The following ADD1 variants were observed in gnomAD, a reference collection of about 807,000 sequenced individuals.
The protein encoded by ADD1 is adducin 1.
Under a neutral mutation model 80.5 loss-of-function variants are expected in ADD1, and 24 were observed. That is an observed-to-expected ratio of 0.30 (90% CI 0.22 to 0.42). The LOEUF (loss-of-function observed/expected upper bound fraction) is 0.42. Ranked by LOEUF, ADD1 falls within the 10% of genes least tolerant of loss-of-function variation. ADD1 has a pLI of 1.00. For synonymous variants in ADD1, 373 were observed against 393.8 expected (o/e 0.95, Z 0.63); for missense variants, 948 against 1,019.0 (o/e 0.93, Z 0.95).
intron 14 of ADD1, among the ~76,000 whole-genome samples, chr4:2,920,823 T>G (rs1739897289): frequency 6.6e-6 from 1 of 152,244 alleles, no homozygotes; most frequent in South Asian, 2.1e-4. Context: ...TTGGGGCATT[T>G]TGCCCATTTA....
At chr4:2,867,849 C>G (rs1258672679) in intron 1 of ADD1, 1 of 152,108 alleles carries the variant, frequency 6.6e-6, no homozygotes, top group Non-Finnish European at 1.5e-5. Context: ...GTCAGGCAGC[C>G]CGAGTTCAGA....
chr4:2,899,322 A>G lies in ADD1; in HGVS notation c.1048A>G (p.Lys350Glu). 4 of 1,614,234 alleles carry G rather than the reference A, an allele frequency of 2.5e-6. No individual in the cohort carries two copies. The highest frequency in any genetic ancestry group is 3.4e-6 in the Non-Finnish European group (4 of 1,180,046). Residue 350 changes from lysine to glutamate, a missense_variant, in exon 9 of 16, where the codon AAA (lysine) becomes GAA (glutamate). Lys to Glu is a moderately conservative substitution (Grantham distance 56, BLOSUM62 1). Coordinates refer to ENST00000683351, the MANE Select transcript of ADD1 (RefSeq NM_001354761.2). Reference protein sequence around the residue: ...NLVLLNPEKYKAKSRSPGSPV... With the variant: ...NLVLLNPEKYEAKSRSPGSPV... ...AGTCCTGCTGAATCCTGAGAAGTAC[A>G]AAGCCAAGTCCCGTTCCCCAGGGTC...
chr4:2,854,556 C>T (rs1727790705), intron 1 of ADD1, among the ~76,000 whole-genome samples: 1 of 152,148 alleles, frequency 6.6e-6, no homozygotes, highest in South Asian at 2.1e-4. Context: ...TATATGTTGA[C>T]AGTATTTTAT....
rs775156950 is a variant in ADD1 at position 2,870,417 on chromosome 4, G to A, written c.-20-5479G>A. Among the ~76,000 whole-genome samples, 6 of 152,276 alleles carry A rather than the reference G, an allele frequency of 3.9e-5. No homozygotes were observed. In the South Asian group the frequency reaches 1.0e-3, roughly 26 times the overall value. On this transcript the variant is annotated intron_variant, in intron 1 of 15. Transcript: ENST00000683351. ...GGACTAAATAGTGCTGTTCAGTCAGGATTTTCTTCAATGCCATTTAGCAAA... is the reference window on the plus strand; with the variant it reads ...GGACTAAATAGTGCTGTTCAGTCAGAATTTTCTTCAATGCCATTTAGCAAA...
chr4:2,891,575 T>C (rs1317270356), intron 4 of ADD1, among the ~76,000 whole-genome samples: 1 of 152,172 alleles, frequency 6.6e-6, no homozygotes, highest in African/African-American at 2.4e-5. Flanking sequence ...TCCATGTAAA[T>C]GACCCCTAGC....
chr4:2,874,721 C>G (rs61652297), intron 1 of ADD1, among the ~76,000 whole-genome samples: 1,913 of 151,722 alleles, frequency 0.013, 37 homozygotes, highest in African/African-American at 0.043. Flanking sequence ...CTAATTTCTT[C>G]AACTGATTCT....
intron 1 of ADD1, among the ~76,000 whole-genome samples, chr4:2,849,994 G>A (rs961500621): frequency 6.6e-6 from 1 of 152,184 alleles, no homozygotes; most frequent in Non-Finnish European, 1.5e-5. Flanking sequence ...ACATATGTCC[G>A]TACAAAAGCT....
intron 12 of ADD1, 121 bp from the exon 13 acceptor site, chr4:2,909,218 C>A: frequency 1.2e-6 from 1 of 808,830 alleles, no homozygotes. Context: ...ATCATCACTG[C>A]CACACTTACT....
rs1712292151 is a variant in ADD1 at position 2,928,342 on chromosome 4, G to A, written c.2219G>A (p.Ser740Asn). ...PSPTEAPTEASPEPAPDPAPV... is the reference protein window; with the variant it reads ...PSPTEAPTEANPEPAPDPAPV... The stretch of plus-strand genomic sequence containing the variant: ...CCCACTGAGGCCCCTACTGAGGCCA[G>A]CCCCGAGCCAGCCCCAGACCCAGCC... Residue 740 changes from serine (S) to asparagine (N), a missense_variant, in exon 16 of 16, where the codon AGC (serine) becomes AAC (asparagine). By Grantham distance (46) the Ser-to-Asn change is conservative. Coordinates refer to ENST00000683351, the MANE Select transcript of ADD1 (RefSeq NM_001354761.2). The A allele has an allele frequency of 1.9e-6, 3 of 1,613,780 alleles. No individual in the cohort carries two copies. The East Asian group carries it at 6.7e-5, about 36-fold the overall frequency.
rs1287385782 is a variant in ADD1 at position 2,929,231 on chromosome 4, G to A, written c.*708G>A. ...TCATAGGGAAGGTATATCAGGAGGG[G>A]AAGAGGCCTTTCTAGAATTTTCTTT... is the stretch of plus-strand genomic sequence containing the variant. On this transcript the variant is annotated 3_prime_UTR_variant, in exon 16 of 16. Transcript: ENST00000683351. The A allele has an allele frequency of 6.6e-6, 1 of 152,234 alleles. No homozygotes were observed. The highest frequency in any genetic ancestry group is 1.5e-5 in the Non-Finnish European group (1 of 68,050). 9.4% of individuals were successfully genotyped at this position (152,234 alleles called of 1,614,324 possible). A position where few individuals can be genotyped will look rare whatever the true frequency, so the allele number is the denominator to read the frequency against.
chr4:2,863,987 C>A (rs1297642394), intron 1 of ADD1, among the ~76,000 whole-genome samples: 1 of 152,166 alleles, frequency 6.6e-6, no homozygotes, highest in African/African-American at 2.4e-5. Flanking sequence ...GCACATTTAA[C>A]CCCTATACAC....
rs765376644 is a variant in ADD1, at chr4:2,928,551, G to A, written c.*28G>A. 2.5e-6 allele frequency: 4 copies of A among 1,591,678 alleles called. No homozygotes were observed. The highest frequency in any genetic ancestry group is 1.9e-5 in the Admixed American group (1 of 52,882). ...GCCCTGCGCTAACACTGTCCTGTCC[G>A]GAGCGACCCTGGCTCTGCCAGCGTC... On this transcript the variant is annotated 3_prime_UTR_variant, in exon 16 of 16. Transcript: ENST00000683351.
In ADD1 at chr4:2,884,676, A is replaced by T. The variant is rs1386590041; in HGVS notation, c.510+10A>T. On this transcript the variant is annotated intron_variant, in intron 4 of 15. Coordinates refer to ENST00000683351, the MANE Select transcript of ADD1 (RefSeq NM_001354761.2). The stretch of plus-strand genomic sequence containing the variant: ...CTACAATCATATCACAGTGAGTATT[A>T]AATGGGCTAGTAACTGAACGATAAA... The T allele has an allele frequency of 5.7e-6, 9 of 1,591,780 alleles. No homozygotes were observed. Among genetic ancestry groups the T allele is most frequent in the Non-Finnish European group, 6.9e-6 (8 of 1,164,748 alleles).
chr4:2,925,123 A>C (rs1740752031), intron 14 of ADD1, among the ~76,000 whole-genome samples: 1 of 152,210 alleles, frequency 6.6e-6, no homozygotes, highest in African/African-American at 2.4e-5. Context: ...AGAATGTGCC[A>C]CAGGTAAAAT....
chr4:2,925,167 C>T (rs553255738), intron 14 of ADD1, among the ~76,000 whole-genome samples: 3 of 152,284 alleles, frequency 2.0e-5, no homozygotes, highest in Non-Finnish European at 2.9e-5. Flanking sequence ...CACCTTTTCC[C>T]GGTTGAGGCT....
At chr4:2,894,124 A>T in intron 5 of ADD1, 31 bp downstream of exon 5, 1 of 1,557,904 alleles carries the variant, frequency 6.4e-7, no homozygotes, top group Non-Finnish European at 8.9e-7. Context: ...GGCAGCTTGT[A>T]TGTGCAGGTC....
At chr4:2,883,292 A>G (rs933852437) in intron 3 of ADD1, among the ~76,000 whole-genome samples, 1 of 151,576 alleles carries the variant, frequency 6.6e-6, no homozygotes, top group Admixed American at 6.6e-5. Context: ...TTGGTTTCCA[A>G]TCATCCTTCA....
At position 2,888,661 on chromosome 4, in the gene ADD1, G is replaced by T. The variant is rs555095119; in HGVS notation, c.510+3995G>T. On this transcript the variant is annotated intron_variant, in intron 4 of 15. Transcript: ENST00000683351. ...TTGAACTCCTGACCTCAAGTGATCC[G>T]CCCACCTCAGCCTCCCAAAGTGCTA... Among the ~76,000 whole-genome samples the T allele has an allele frequency of 2.6e-5, 4 of 151,722 alleles. No homozygotes were observed. The South Asian group carries it at 8.4e-4, about 32-fold the overall frequency.
intron 1 of ADD1, among the ~76,000 whole-genome samples, chr4:2,869,244 A>G (rs1730036868): frequency 1.3e-5 from 2 of 152,162 alleles, no homozygotes. Context: ...CTAGAAGTCT[A>G]AGATCAGGGT....
Sources: allele counts gnomAD v4.1 joint callset (sites outside exome capture counted in the v4.1 genomes callset), GRCh38; gene constraint gnomAD v4.1.1; transcripts MANE v1.5; gene names NCBI Gene and HGNC (gene_info 2026-07-23, HGNC 2026-07-21).